FGD5: variants seen among roughly 807,000 people sequenced by gnomAD.
FGD5 encodes the protein FYVE, RhoGEF and PH domain-containing protein 5.
Under a neutral mutation model 133.4 loss-of-function variants are expected in FGD5, and 28 were observed. The observed-to-expected ratio is 0.21, with a 90% confidence interval of 0.16 to 0.29. The LOEUF is 0.29. FGD5 is among the 10% of genes least tolerant of loss of function. The pLI, the probability that FGD5 is intolerant of heterozygous loss-of-function variation, is 1.00. For synonymous variants in FGD5, 810 were observed against 776.5 expected, an observed-to-expected ratio of 1.04 and a Z score of -0.72; for missense variants, 1,858 against 1,895.2, an observed-to-expected ratio of 0.98 and a Z score of 0.36.
chr3:14,813,972 T>C (rs949540114), upstream of FGD5, among the ~76,000 whole-genome samples: 28 of 152,228 alleles, frequency 1.8e-4, no homozygotes, highest in Non-Finnish European at 5.9e-5. Flanking sequence ...TAAAAATCTC[T>C]TCCTCCTGTC....
intron 18 of FGD5, among the ~76,000 whole-genome samples, chr3:14,928,612 G>A (rs527247580): frequency 5.9e-5 from 9 of 152,184 alleles, no homozygotes; most frequent in African/African-American, 1.9e-4. Context: ...AGGGATGGTG[G>A]CACGCACCTG....
At chr3:14,906,325 G>T (rs550170104) in intron 9 of FGD5, among the ~76,000 whole-genome samples, 15 of 152,328 alleles carry the variant, frequency 9.8e-5, no homozygotes, top group African/African-American at 3.6e-4. Context: ...TGGCTCTGTG[G>T]CTGGCCTTAG....
chr3:14,829,710 G>A (rs2036669478), intron 1 of FGD5, among the ~76,000 whole-genome samples: 1 of 152,192 alleles, frequency 6.6e-6, no homozygotes, highest in Admixed American at 6.5e-5. Context: ...GAGTAATGAA[G>A]TTGGGGGGAG....
chr3:14,912,050 G>A (rs1478635115), intron 11 of FGD5, among the ~76,000 whole-genome samples: 1 of 152,016 alleles, frequency 6.6e-6, no homozygotes, highest in Non-Finnish European at 1.5e-5. Flanking sequence ...TGTGTTGGAG[G>A]AGTTCTGTGA....
At chr3:14,845,703 G>T (rs763143110) in intron 1 of FGD5, among the ~76,000 whole-genome samples, 10 of 152,156 alleles carry the variant, frequency 6.6e-5, no homozygotes, top group Non-Finnish European at 8.8e-5. Flanking sequence ...CCCAGGGGTG[G>T]GCTTCATAGT....
Position 14,926,205 on chromosome 3 carries a change from G to GTGA in FGD5, c.4197+9_4197+11dup. The GTGA allele has an allele frequency of 6.2e-7, 1 of 1,612,890 alleles. No homozygotes were observed. The highest frequency in any genetic ancestry group is 8.5e-7 in the Non-Finnish European group (1 of 1,179,224). On this transcript the variant is annotated splice_region_variant and intron_variant, in intron 18 of 19. Transcript: ENST00000285046. ...CACCTACATGGCCAGTGAGGTAGTA[G>GTGA]TGATCTGCACTCTCTCCCCTCTCCT...
In FGD5 at chr3:14,922,061, C is replaced by G; in HGVS notation, c.3669+44C>G. On this transcript the variant is annotated intron_variant, in intron 14 of 19. Coordinates refer to ENST00000285046, the MANE Select transcript of FGD5 (RefSeq NM_152536.4). The surrounding 1 kb of genome is among the most constrained non-coding windows in gnomAD (Gnocchi z 4.1). ...CCCACGGGCCACCAGCTTCAGAGAC[C>G]TGGGGTTCCCTGGGCGGGCATTGCT... 1 of 1,537,578 alleles carries G rather than the reference C, an allele frequency of 6.5e-7. No homozygotes were observed.
rs796388478 is a variant in FGD5 at position 14,928,070 on chromosome 3, T to A, written c.4197+1872T>A. On this transcript the variant is annotated intron_variant, in intron 18 of 19. Transcript: ENST00000285046. ...GATTCTCCTGCCTCAGCCTCCTGAG[T>A]AGCTGGGACTACAGGCGCCCACCAC... Among the ~76,000 whole-genome samples, 26 of 151,874 alleles carry A rather than the reference T, an allele frequency of 1.7e-4. 1 individual carries two copies. In the South Asian group the frequency reaches 5.4e-3, roughly 32 times the overall value.
intron 18 of FGD5, chr3:14,931,340 TA>T (rs777950937): frequency 1.3e-5 from 2 of 152,144 alleles, no homozygotes; most frequent in Non-Finnish European, 2.9e-5. Context: ...CCTTTTATTT[TA>T]AAAAAATATT....
chr3:14,832,100 C>T (rs1427533497), intron 1 of FGD5, among the ~76,000 whole-genome samples: 1 of 152,194 alleles, frequency 6.6e-6, no homozygotes, highest in East Asian at 1.9e-4. Context: ...CTGATCTGAG[C>T]CCCGGTTTTC....
At chr3:14,869,310 T>TACAAACAA in intron 2 of FGD5, among the ~76,000 whole-genome samples, 1 of 151,212 alleles carries the variant, frequency 6.6e-6, no homozygotes, top group East Asian at 2.0e-4. Context: ...ACAACAACAA[T>TACAAACAA]ACAAACAAAC....
chr3:14,919,042 ACT>A (rs1436188637), intron 13 of FGD5, among the ~76,000 whole-genome samples: 2 of 152,136 alleles, frequency 1.3e-5, no homozygotes, highest in African/African-American at 4.8e-5. Flanking sequence ...AAATGTACAC[ACT>A]CATAAAATTT....
At chr3:14,909,761 C>CTTTTTTTTTTTTTTTT (rs201883392) in intron 10 of FGD5, among the ~76,000 whole-genome samples, 1 of 137,500 alleles carries the variant, frequency 7.3e-6, no homozygotes. Context: ...CTTTTCTTTT[C>CTTTTTTTTTTTTTTTT]TTTTTTTTTT....
At chr3:14,811,216 C>T (rs2036288542) in intron 1 of FGD5, 1 of 152,250 alleles carries the variant, frequency 6.6e-6, no homozygotes. Context: ...TTCGTCTGGC[C>T]CCAAAACCTT....
rs750545408 is a variant in FGD5 at position 14,924,010 on chromosome 3, C to T, written c.3940C>T (p.Arg1314Trp). 1.7e-5 allele frequency: 27 copies of T among 1,613,810 alleles called. No homozygotes were observed. Among genetic ancestry groups the T allele is most frequent in the Admixed American group, 3.3e-5 (2 of 59,994 alleles). Residue 1314 changes from arginine to tryptophan, a missense_variant and splice_region_variant, in exon 17 of 20, where the codon CGG becomes TGG. Arg to Trp is a moderately radical substitution (Grantham distance 101). Coordinates refer to ENST00000285046, the MANE Select transcript of FGD5 (RefSeq NM_152536.4). ...CATGTGGCTTCTTTCAGTTACAGAG[C>T]GGCCTGTGAGCATGAGCTTCCCGCT... is the stretch of plus-strand genomic sequence containing the variant. Reference protein sequence around the residue: ...GRAVPGLMRERPVSMSFPLSS... With the variant: ...GRAVPGLMREWPVSMSFPLSS...
rs761397291 is a variant in FGD5 at position 14,922,593 on chromosome 3, G to A, written c.3807+45G>A. 3 of 1,545,718 alleles carry A rather than the reference G, an allele frequency of 1.9e-6. No homozygotes were observed. Among genetic ancestry groups the A allele is most frequent in the Non-Finnish European group, 2.6e-6 (3 of 1,148,512 alleles). Reference sequence around the variant, plus strand: ...GTGAGTGTGTGCATGGGGGTGGGGTGGGGGAAGGGCATGTCCCTGCCCAGC... The same window carrying A: ...GTGAGTGTGTGCATGGGGGTGGGGTAGGGGAAGGGCATGTCCCTGCCCAGC... On this transcript the variant is annotated intron_variant, in intron 15 of 19. Transcript: ENST00000285046. This position sits in a 1 kb window ranked among gnomAD's most constrained non-coding sequence, Gnocchi z 4.1.
chr3:14,813,311 C>T (rs1332460556), intron 1 of FGD5, among the ~76,000 whole-genome samples: 1 of 152,138 alleles, frequency 6.6e-6, no homozygotes, highest in African/African-American at 2.4e-5. Context: ...CCTTCCTGAG[C>T]GTGAGCATGC....
intron 9 of FGD5, among the ~76,000 whole-genome samples, chr3:14,904,149 T>G (rs186069): frequency 0.12 from 18,682 of 152,196 alleles, 1,535 homozygotes; most frequent in East Asian, 0.42. Context: ...TGGTGGCAGG[T>G]TTCTCCACTG....
At chr3:14,877,014 G>C (rs765508227) in intron 2 of FGD5, among the ~76,000 whole-genome samples, 1 of 152,224 alleles carries the variant, frequency 6.6e-6, no homozygotes, top group Admixed American at 6.5e-5. Flanking sequence ...TCAGGCAGGG[G>C]CAGGTGGCCT....
Sources: allele counts gnomAD v4.1 joint callset (sites outside exome capture counted in the v4.1 genomes callset), GRCh38; gene constraint gnomAD v4.1.1; non-coding constraint Gnocchi (gnomAD v3.1); transcripts MANE v1.5; gene names NCBI Gene and HGNC (gene_info 2026-07-23, HGNC 2026-07-21).